KATNAL2: variants seen among roughly 807,000 people sequenced by gnomAD.
The protein encoded by KATNAL2 is katanin catalytic subunit A1 like 2, also known as katanin p60 ATPase-containing subunit A-like 2.
In KATNAL2, 52 loss-of-function variants were observed where a neutral mutation model predicts 76.3. The ratio of observed to expected loss-of-function variants is 0.68; its 90% confidence interval spans 0.55 to 0.86. The LOEUF is 0.86. KATNAL2 is among the 40% of genes least tolerant of loss of function. The pLI, the probability that KATNAL2 is intolerant of heterozygous loss-of-function variation, is 0.00. For synonymous variants in KATNAL2, 243 were observed against 244.2 expected, an observed-to-expected ratio of 1.00 and a Z score of 0.05; for missense variants, 660 against 668.9, an observed-to-expected ratio of 0.99 and a Z score of 0.15.
At chr18:47,064,813 G>A (rs72903231) in intron 10 of KATNAL2, among the ~76,000 whole-genome samples, 3,932 of 152,154 alleles carry the variant, frequency 0.026, 64 homozygotes, top group Non-Finnish European at 0.041. Flanking sequence ...TTACAGTGAC[G>A]GAGAGCTCAC....
chr18:47,099,175 A>G (rs1161385343), intron 15 of KATNAL2, 68 bp from the exon 16 acceptor site: 3 of 1,485,544 alleles, frequency 2.0e-6, no homozygotes, highest in East Asian at 2.3e-5. Context: ...AATTGTTCTT[A>G]AAGTACAGTT....
Position 47,054,410 on chromosome 18 carries a change from C to A in KATNAL2, c.304C>A (p.Pro102Thr), listed in dbSNP as rs1337814170. The A allele has an allele frequency of 6.2e-7, 1 of 1,613,444 alleles. No homozygotes were observed. The highest frequency in any genetic ancestry group is 1.7e-5 in the Admixed American group (1 of 60,008). Residue 102 changes from proline (P) to threonine (T), a missense_variant, in exon 6 of 18, where the codon CCG (proline) becomes ACG (threonine). Physicochemically the swap from Pro to Thr is conservative, Grantham distance 38 (BLOSUM62 -1). Transcript: ENST00000683218. ...KSSDTAENNL[P>T]QRSRGKTRRM... Reference sequence around the variant, plus strand: ...TTTTGTCACAGCAGAAAATAATTTACCGCAAAGAAGTAGAGGGAAGACCAG... The same window carrying A: ...TTTTGTCACAGCAGAAAATAATTTAACGCAAAGAAGTAGAGGGAAGACCAG...
intron 7 of KATNAL2, 104 bp downstream of exon 7, chr18:47,058,456 A>C: frequency 1.5e-6 from 1 of 676,856 alleles, no homozygotes. Flanking sequence ...ACGCTTTTAA[A>C]ATTGCTGTGT....
chr18:47,034,469 G>A (rs1304952501), intron 3 of KATNAL2: 2 of 1,614,056 alleles, frequency 1.2e-6, no homozygotes, highest in African/African-American at 2.7e-5. Flanking sequence ...GCCCAGGAGG[G>A]CATCCTTGGG....
intron 7 of KATNAL2, among the ~76,000 whole-genome samples, chr18:47,058,889 C>A (rs980769146): frequency 2.6e-5 from 4 of 152,106 alleles, no homozygotes; most frequent in Admixed American, 1.3e-4. Flanking sequence ...CCAAGAAGGG[C>A]AGCAAGGAGA....
At chr18:47,082,222 C>A (rs1599813475) in intron 15 of KATNAL2, among the ~76,000 whole-genome samples, 1 of 152,292 alleles carries the variant, frequency 6.6e-6, no homozygotes, top group East Asian at 1.9e-4. Context: ...CTGACATTTT[C>A]AGGCCAGATA....
At chr18:47,038,774 A>G (rs180991509) in intron 3 of KATNAL2, among the ~76,000 whole-genome samples, 1 of 152,372 alleles carries the variant, frequency 6.6e-6, no homozygotes, top group East Asian at 1.9e-4. Flanking sequence ...AGAAGTATAG[A>G]CAATAGTTAA....
chr18:46,961,228 T>C (rs2059934007), intron 3 of KATNAL2, among the ~76,000 whole-genome samples: 1 of 152,094 alleles, frequency 6.6e-6, no homozygotes, highest in Non-Finnish European at 1.5e-5. Context: ...TTGTTTCCTT[T>C]TAACTTTTCG....
chr18:46,924,592 G>GT (rs2058671981), intron 1 of KATNAL2, among the ~76,000 whole-genome samples: 1 of 152,094 alleles, frequency 6.6e-6, no homozygotes, highest in Admixed American at 6.6e-5. Flanking sequence ...CTTTAAAGTA[G>GT]TTTTTTTCTA....
At chr18:47,032,852 G>A (rs1258262648) in intron 3 of KATNAL2, 3 of 1,477,930 alleles carry the variant, frequency 2.0e-6, no homozygotes, top group Non-Finnish European at 2.7e-6. Context: ...AAAATCACAG[G>A]GCCAGCACAT....
intron 1 of KATNAL2, among the ~76,000 whole-genome samples, chr18:46,927,444 T>C (rs142724977): frequency 0.076 from 11,553 of 152,160 alleles, 468 homozygotes; most frequent in African/African-American, 0.097. Flanking sequence ...GAGTTTCTGC[T>C]GAGACATCAG....
intron 3 of KATNAL2, among the ~76,000 whole-genome samples, chr18:46,962,190 G>T (rs1170597860): frequency 6.9e-6 from 1 of 144,410 alleles, no homozygotes; most frequent in Non-Finnish European, 1.5e-5. Context: ...TTGTGGAGAC[G>T]GGGTTTCTCC....
Position 46,957,877 on chromosome 18 carries a change from T to C in KATNAL2, c.51+10954T>C, listed in dbSNP as rs183123016. Among the ~76,000 whole-genome samples, 53 of 152,084 alleles carry C rather than the reference T, an allele frequency of 3.5e-4. No individual in the cohort carries two copies. The Middle Eastern group carries it at 0.014, about 39-fold the overall frequency. On this transcript the variant is annotated intron_variant, in intron 3 of 17. Coordinates refer to ENST00000683218, the MANE Select transcript of KATNAL2 (RefSeq NM_001387690.1). Reference sequence around the variant, plus strand: ...GCGCCCAGCCTAATTATTGTATTTTTAGTAGAGACGGGGTTTCACCATATT... The same window carrying C: ...GCGCCCAGCCTAATTATTGTATTTTCAGTAGAGACGGGGTTTCACCATATT...
In KATNAL2 at chr18:46,946,834, T is replaced by G. The variant is rs770814484; in HGVS notation, c.-19-20T>G. 1 of 1,531,484 alleles carries G rather than the reference T, an allele frequency of 6.5e-7. No individual in the cohort carries two copies. Among genetic ancestry groups the G allele is most frequent in the East Asian group, 2.4e-5 (1 of 40,898 alleles). 94.9% of individuals were successfully genotyped at this position (1,531,484 alleles called of 1,614,324 possible). On this transcript the variant is annotated intron_variant, in intron 2 of 17. Coordinates refer to ENST00000683218, the MANE Select transcript of KATNAL2 (RefSeq NM_001387690.1). ...TCGACCGGTCAGCCCAGTAACTGACTACTTTTCTCCCTTCTCTAGGGTCCT... is the reference window on the plus strand; with the variant it reads ...TCGACCGGTCAGCCCAGTAACTGACGACTTTTCTCCCTTCTCTAGGGTCCT...
intron 3 of KATNAL2, among the ~76,000 whole-genome samples, chr18:46,957,246 C>CTTT (rs1429850421): frequency 1.6e-4 from 20 of 128,072 alleles, no homozygotes; most frequent in African/African-American, 5.9e-4. Flanking sequence ...AGATTGCCCT[C>CTTT]TTCTTTTTTT....
intron 3 of KATNAL2, among the ~76,000 whole-genome samples, chr18:46,961,512 G>A (rs1363901889): frequency 7.2e-5 from 11 of 152,180 alleles, no homozygotes; most frequent in Non-Finnish European, 1.3e-4. Flanking sequence ...GTAATACACA[G>A]GGGAAGAGCA....
At chr18:46,958,304 G>C (rs1420539421) in intron 3 of KATNAL2, among the ~76,000 whole-genome samples, 1 of 151,818 alleles carries the variant, frequency 6.6e-6, no homozygotes, top group Non-Finnish European at 1.5e-5. Context: ...TGCAGATCTT[G>C]GGACCTGTCA....
Position 47,031,769 on chromosome 18 carries a change from C to T in KATNAL2, c.52-14688C>T, listed in dbSNP as rs368590612. ...GCTGAGGTAGGGCCTTGAGCCTCCC[C>T]ACCTGGACTTTTTTGAGTTTTATAT... On this transcript the variant is annotated intron_variant, in intron 3 of 17. Transcript: ENST00000683218. Among the ~76,000 whole-genome samples the T allele has an allele frequency of 1.3e-4, 20 of 152,266 alleles. 1 individual carries two copies. In the East Asian group the frequency reaches 3.5e-3, roughly 26 times the overall value.
At chr18:46,965,586 C>CG (rs2060099881) in intron 3 of KATNAL2, among the ~76,000 whole-genome samples, 6 of 87,522 alleles carry the variant, frequency 6.9e-5, no homozygotes, top group Admixed American at 1.9e-4. Context: ...TCCCCGCCCC[C>CG]CCCCCCCCGC....
Sources: allele counts gnomAD v4.1 joint callset (sites outside exome capture counted in the v4.1 genomes callset), GRCh38; gene constraint gnomAD v4.1.1; transcripts MANE v1.5; gene names NCBI Gene and HGNC (gene_info 2026-07-23, HGNC 2026-07-21).